MELK: variants seen among roughly 807,000 people sequenced by gnomAD.
MELK encodes the protein pEg3 kinase.
MELK carries 81 observed loss-of-function variants against 85.0 expected under a neutral mutation model. That is an observed-to-expected ratio of 0.95 (90% CI 0.80 to 1.15). The LOEUF is 1.15. Ranked by LOEUF, MELK falls within the 50% of genes most tolerant of loss-of-function variation. MELK has a pLI of 0.00. For missense variants in MELK, 754 were observed against 777.5 expected, an observed-to-expected ratio of 0.97 and a Z score of 0.36; for synonymous variants, 252 against 265.0, an observed-to-expected ratio of 0.95 and a Z score of 0.48.
At chr9:36,596,951 C>A (rs189085870) in intron 5 of MELK, among the ~76,000 whole-genome samples, 7 of 152,044 alleles carry the variant, frequency 4.6e-5, no homozygotes, top group African/African-American at 1.7e-4. Context: ...TTGTTGTACC[C>A]GGACTTTTTA....
intron 8 of MELK, among the ~76,000 whole-genome samples, chr9:36,624,392 A>T (rs147318986): frequency 8.9e-4 from 136 of 152,320 alleles, no homozygotes; most frequent in African/African-American, 3.1e-3. Flanking sequence ...TTTCTTAGGA[A>T]ACAGGGCCAG....
At chr9:36,601,809 G>A (rs1170506535) in intron 7 of MELK, among the ~76,000 whole-genome samples, 1 of 152,080 alleles carries the variant, frequency 6.6e-6, no homozygotes, top group Non-Finnish European at 1.5e-5. Context: ...TCATGTAAAT[G>A]GAATCATACA....
At chr9:36,652,412 A>G (rs1365861344) in intron 12 of MELK, among the ~76,000 whole-genome samples, 3 of 151,148 alleles carry the variant, frequency 2.0e-5, no homozygotes, top group African/African-American at 7.3e-5. Flanking sequence ...TTTTTTCATA[A>G]TAGCAATTCC....
intron 14 of MELK, among the ~76,000 whole-genome samples, chr9:36,667,928 C>T (rs186799688): frequency 9.2e-5 from 14 of 152,124 alleles, no homozygotes; most frequent in Admixed American, 3.3e-4. Context: ...CCACCATGCC[C>T]GGTTAATTTT....
At chr9:36,577,634 G>A (rs1210816426) in intron 1 of MELK, among the ~76,000 whole-genome samples, 3 of 150,946 alleles carry the variant, frequency 2.0e-5, no homozygotes, top group African/African-American at 7.3e-5. Context: ...ACCTGGCCTC[G>A]ACTAGATTTT....
intron 7 of MELK, among the ~76,000 whole-genome samples, chr9:36,605,432 C>T (rs1488990371): frequency 6.6e-6 from 1 of 152,048 alleles, no homozygotes; most frequent in Non-Finnish European, 1.5e-5. Context: ...TGGTCTTGAA[C>T]TCCTGACCTC....
chr9:36,581,751 T>G lies in MELK; in HGVS notation c.58+12T>G. 1 of 1,577,400 alleles carries G rather than the reference T, an allele frequency of 6.3e-7. No individual in the cohort carries two copies. Among genetic ancestry groups the G allele is most frequent in the Non-Finnish European group, 8.7e-7 (1 of 1,149,730 alleles). On this transcript the variant is annotated intron_variant, in intron 2 of 17. Coordinates refer to ENST00000298048, the MANE Select transcript of MELK (RefSeq NM_014791.4). Reference sequence around the variant, plus strand: ...AACTATTGGGACAGGTAATTGTTATTTTTTTTTGGAGGCAGTGGATAGATC... The same window carrying G: ...AACTATTGGGACAGGTAATTGTTATGTTTTTTTGGAGGCAGTGGATAGATC...
intron 4 of MELK, among the ~76,000 whole-genome samples, chr9:36,590,567 C>T (rs1823435233): frequency 2.0e-5 from 3 of 152,148 alleles, no homozygotes; most frequent in Admixed American, 2.0e-4. Flanking sequence ...TTAGGCTTAC[C>T]CTGATCCAGT....
At chr9:36,665,185 TAAAGA>T (rs989200897) in intron 13 of MELK, among the ~76,000 whole-genome samples, 160 bp from the exon 14 acceptor site, 3 of 152,228 alleles carry the variant, frequency 2.0e-5, no homozygotes, top group African/African-American at 7.2e-5. Context: ...CTACATGTAT[TAAAGA>T]AAACTATATA....
At position 36,677,286 on chromosome 9, in the gene MELK, C is replaced by A. The variant is rs1047640767; in HGVS notation, c.1905C>A (p.Ala635=). ...GIRRQRLKGD[A]WVYKRLVEDI... ...GGAGGCAGCGGCTTAAGGGCGATGC[C>A]TGGGTTTACAAAAGATTAGTGGAAG... The change falls in exon 18 of 18, where the codon GCC becomes GCA. Residue 635 remains alanine (A), a synonymous_variant. Transcript: ENST00000298048. 1 of 1,613,932 alleles carries A rather than the reference C, an allele frequency of 6.2e-7. No individual in the cohort carries two copies. Among genetic ancestry groups the A allele is most frequent in the Non-Finnish European group, 8.5e-7 (1 of 1,179,932 alleles).
Position 36,581,703 on chromosome 9 carries a change from C to T in MELK, c.22C>T (p.Leu8Phe). Residue 8 changes from leucine to phenylalanine, a missense_variant, in exon 2 of 18, where the codon CTC becomes TTC. Leu to Phe is a conservative substitution (Grantham distance 22). Transcript: ENST00000298048. ...GACTATGAAAGATTATGATGAACTT[C>T]TCAAATATTATGAATTACATGAAAC... MKDYDEL[L>F]KYYELHETIG... 1 of 1,599,322 alleles carries T rather than the reference C, an allele frequency of 6.3e-7. No homozygotes were observed. The highest frequency in any genetic ancestry group is 1.3e-5 in the African/African-American group (1 of 74,608).
intron 4 of MELK, 94 bp downstream of exon 4, chr9:36,589,746 G>A: frequency 1.1e-6 from 1 of 882,410 alleles, no homozygotes. Flanking sequence ...TAGAAGAGAT[G>A]TTAAGCGACT....
At chr9:36,628,596 T>G (rs1308048719) in intron 8 of MELK, among the ~76,000 whole-genome samples, 2 of 150,906 alleles carry the variant, frequency 1.3e-5, no homozygotes, top group Middle Eastern at 3.4e-3. Context: ...ATTTTTGTAT[T>G]TTTAGTAGAG....
intron 7 of MELK, chr9:36,606,749 A>AAT (rs966375907): frequency 6.8e-6 from 1 of 147,836 alleles, no homozygotes; most frequent in Non-Finnish European, 1.5e-5. Flanking sequence ...ATACATATAT[A>AAT]ATATATATAA....
intron 13 of MELK, among the ~76,000 whole-genome samples, chr9:36,662,220 C>T (rs147301877): frequency 0.01 from 1,556 of 149,408 alleles, 33 homozygotes; most frequent in East Asian, 0.045. Context: ...TTTAATTTAA[C>T]GAAATATAAA....
chr9:36,599,691 T>G (rs917432134), intron 7 of MELK, among the ~76,000 whole-genome samples: 1 of 152,248 alleles, frequency 6.6e-6, no homozygotes, highest in African/African-American at 2.4e-5. Flanking sequence ...CATATACTTA[T>G]GAAGCAGGGA....
Position 36,633,118 on chromosome 9 carries a change from G to A in MELK, c.752G>A (p.Arg251Gln), listed in dbSNP as rs1384057506. Reference sequence around the variant, plus strand: ...GGCCACTAGGTGGACCCAAAGAAACGGATTTCTATGAAAAATCTATTGAAC... The same window carrying A: ...GGCCACTAGGTGGACCCAAAGAAACAGATTTCTATGAAAAATCTATTGAAC... The part of the protein sequence containing the change: ...QQMLQVDPKK[R>Q]ISMKNLLNHP... Residue 251 changes from arginine (R) to glutamine (Q), a missense_variant, in exon 10 of 18, where the codon CGG (arginine) becomes CAG (glutamine). Physicochemically the swap from Arg to Gln is conservative, Grantham distance 43 (BLOSUM62 1). Coordinates refer to ENST00000298048, the MANE Select transcript of MELK (RefSeq NM_014791.4). The A allele has an allele frequency of 5.6e-6, 9 of 1,608,728 alleles. No individual in the cohort carries two copies. The highest frequency in any genetic ancestry group is 7.6e-6 in the Non-Finnish European group (9 of 1,178,660).
intron 8 of MELK, among the ~76,000 whole-genome samples, chr9:36,612,294 C>T (rs1029869712): frequency 7.2e-5 from 11 of 152,116 alleles, no homozygotes; most frequent in African/African-American, 2.7e-4. Context: ...AGGGGTTTTG[C>T]CATGTTGGCC....
intron 1 of MELK, among the ~76,000 whole-genome samples, chr9:36,575,530 C>G (rs886886225): frequency 6.6e-6 from 1 of 152,050 alleles, no homozygotes; most frequent in Non-Finnish European, 1.5e-5. Context: ...ATAATCTAGG[C>G]CCACATTGGT....
Sources: allele counts gnomAD v4.1 joint callset (sites outside exome capture counted in the v4.1 genomes callset), GRCh38; gene constraint gnomAD v4.1.1; transcripts MANE v1.5; gene names NCBI Gene and HGNC (gene_info 2026-07-23, HGNC 2026-07-21).